Variants in RIF1 observed in about 807,000 individuals in gnomAD.
RIF1 encodes replication timing regulatory factor 1.
A neutral mutation model predicts 247.1 loss-of-function variants in RIF1; 45 were observed. The ratio of observed to expected loss-of-function variants is 0.18; its 90% confidence interval spans 0.14 to 0.23. The LOEUF is 0.23. Among genes scored for constraint, RIF1 ranks in the 10% least tolerant of loss-of-function variants. RIF1 has a pLI of 1.00. For missense variants in RIF1, 2,967 were observed against 2,862.5 expected, an observed-to-expected ratio of 1.04 and a Z score of -0.83; for synonymous variants, 1,087 against 978.8, an observed-to-expected ratio of 1.11 and a Z score of -2.06.
chr2:151,430,930 A>C (rs958519751), intron 9 of RIF1, among the ~76,000 whole-genome samples: 2 of 152,194 alleles, frequency 1.3e-5, no homozygotes, highest in Non-Finnish European at 2.9e-5. Flanking sequence ...TTAGGATTAC[A>C]GGTGTGAGCC....
intron 22 of RIF1, among the ~76,000 whole-genome samples, chr2:151,455,862 A>G (rs1042622416): frequency 7.2e-5 from 11 of 152,168 alleles, no homozygotes; most frequent in Admixed American, 3.3e-4. Flanking sequence ...AAATGTCTAC[A>G]TGTGATTCTG....
chr2:151,459,920 A>G lies in RIF1; in HGVS notation c.2956-80A>G, dbSNP rs1695865792. 2.1e-5 allele frequency: 24 copies of G among 1,148,392 alleles called. No individual in the cohort carries two copies. The South Asian group carries it at 3.5e-4, about 17-fold the overall frequency. 71.1% of individuals were successfully genotyped at this position (1,148,392 alleles called of 1,614,324 possible). A position where few individuals can be genotyped will look rare whatever the true frequency, so the allele number is the denominator to read the frequency against. ...ACAATATTTGCAATTACTATTTATT[A>G]GGAATTTTCAAAACGTGAAAAGGAA... is the stretch of plus-strand genomic sequence containing the variant. On this transcript the variant is annotated intron_variant, in intron 25 of 35. Transcript: ENST00000444746.
Position 151,410,448 on chromosome 2 carries a change from C to A in RIF1, c.25C>A (p.Leu9Ile), listed in dbSNP as rs572659964. The change falls in exon 2 of 36, where the codon CTC becomes ATC. Residue 9 changes from leucine to isoleucine, a missense_variant. Coordinates refer to ENST00000444746, the MANE Select transcript of RIF1 (RefSeq NM_018151.5). MTARGQSPLAPLLETLEDP... is the reference protein window; with the variant it reads MTARGQSPIAPLLETLEDP... ...CATGACGGCCAGGGGTCAGAGCCCC[C>A]TCGCGCCGCTGTTGGAGACTTTGGA... is the stretch of plus-strand genomic sequence containing the variant. 1 of 1,614,016 alleles carries A rather than the reference C, an allele frequency of 6.2e-7. No individual in the cohort carries two copies. Among genetic ancestry groups the A allele is most frequent in the East Asian group, 2.2e-5 (1 of 44,852 alleles).
At chr2:151,461,609 G>T (rs1232656879) in intron 27 of RIF1, among the ~76,000 whole-genome samples, 2 of 151,892 alleles carry the variant, frequency 1.3e-5, no homozygotes, top group Admixed American at 1.3e-4. Context: ...AGCCAGGATG[G>T]TCTTGATCTC....
At chr2:151,467,101 C>A (rs1283927683) in intron 30 of RIF1, among the ~76,000 whole-genome samples, 1 of 151,940 alleles carries the variant, frequency 6.6e-6, no homozygotes, top group Non-Finnish European at 1.5e-5. Context: ...TGGTGGCGCA[C>A]ACCTGTAGTT....
At chr2:151,473,859 T>C in intron 34 of RIF1, 105 bp from the exon 35 acceptor site, 1 of 697,262 alleles carries the variant, frequency 1.4e-6, no homozygotes, top group Non-Finnish European at 2.6e-6. Context: ...ACATAGGTTC[T>C]ATGCAATGTT....
the RIF1 span, chr2:151,519,753 T>C: frequency 1.2e-6 from 2 of 1,609,152 alleles, no homozygotes; most frequent in Non-Finnish European, 1.7e-6. Flanking sequence ...TTATCGAAAT[T>C]TTCTCGGTAT....
At chr2:151,410,275 C>A in intron 1 of RIF1, 139 bp from the exon 2 acceptor site, 2 of 674,306 alleles carry the variant, frequency 3.0e-6, no homozygotes, top group South Asian at 1.7e-5. Context: ...TTTGGTGATT[C>A]GGAGGCCTGG....
At chr2:151,485,583 G>A, downstream of RIF1, 1 of 495,886 alleles carries the variant, frequency 2.0e-6, no homozygotes, top group Non-Finnish European at 3.5e-6. Flanking sequence ...CTTTTAAAGT[G>A]TCTGTTCTGC....
At chr2:151,507,124 T>G in intron 13 of RIF1, 1 of 683,770 alleles carries the variant, frequency 1.5e-6, no homozygotes, top group Non-Finnish European at 2.5e-6. Flanking sequence ...AAAAAAAGTC[T>G]ATGCACAATA....
intron 21 of RIF1, among the ~76,000 whole-genome samples, chr2:151,454,139 A>T: frequency 6.6e-6 from 1 of 152,210 alleles, no homozygotes; most frequent in East Asian, 1.9e-4. Flanking sequence ...CTTGTTTTTC[A>T]TGTTACCATA....
rs186676110 is a variant in RIF1 at position 151,498,228 on chromosome 2, G to A, written c.*514-1117G>A. The A allele has an allele frequency of 1.4e-4, 211 of 1,550,242 alleles. 1 individual carries two copies. Among genetic ancestry groups the A allele is most frequent in the Non-Finnish European group, 1.9e-5 (22 of 1,145,794 alleles). On this transcript the variant is annotated intron_variant and NMD_transcript_variant, in intron 10 of 13. Coordinates refer to the RIF1 transcript ENST00000454583. ...AAGATCAGTTTAATTCTGAAGTTAA[G>A]TGGCATTTTTTCCCCTTTCTTTCCA...
chr2:151,424,744 C>T (rs1688712551), intron 8 of RIF1, among the ~76,000 whole-genome samples: 1 of 150,948 alleles, frequency 6.6e-6, no homozygotes, highest in Non-Finnish European at 1.5e-5. Context: ...ACCTCGCTCA[C>T]TGCAACCTCT....
downstream of RIF1, among the ~76,000 whole-genome samples, chr2:151,483,543 A>G (rs1366952344): frequency 6.6e-6 from 1 of 152,142 alleles, no homozygotes; most frequent in Non-Finnish European, 1.5e-5. Context: ...CTACTTTTAT[A>G]TATACAGTCA....
chr2:151,438,757 T>C lies in RIF1; in HGVS notation c.1546+11T>C. ...CAGTTACTGAATCAGGTAAGCACTA[T>C]TACACTGATCAAATGTTGTTTTTTG... On this transcript the variant is annotated intron_variant, in intron 14 of 35. Coordinates refer to ENST00000444746, the MANE Select transcript of RIF1 (RefSeq NM_018151.5). 1 of 1,576,396 alleles carries C rather than the reference T, an allele frequency of 6.3e-7. No homozygotes were observed.
chr2:151,512,049 G>A (rs1318190224), downstream of RIF1, among the ~76,000 whole-genome samples: 1 of 33,194 alleles, frequency 3.0e-5, no homozygotes, highest in Admixed American at 2.6e-4. Flanking sequence ...TTTTTTTTTT[G>A]AGACAGAGTC....
At chr2:151,495,392 G>A (rs959439559) in intron 10 of RIF1, 1 of 152,204 alleles carries the variant, frequency 6.6e-6, no homozygotes, top group South Asian at 2.1e-4. Context: ...CCTACAGAAT[G>A]AGAAACTAGA....
intron 4 of RIF1, among the ~76,000 whole-genome samples, chr2:151,415,430 G>A (rs2152105688): frequency 6.7e-6 from 1 of 150,126 alleles, no homozygotes; most frequent in African/African-American, 2.4e-5. Context: ...AAAAATAATG[G>A]TATTTGACAA....
chr2:151,524,623 T>G, the RIF1 span: 7 of 1,556,110 alleles, frequency 4.5e-6, 1 homozygote, highest in Non-Finnish European at 6.2e-6. Context: ...CGACCTTTAT[T>G]GGGGAAGAAA....
Sources: allele counts gnomAD v4.1 joint callset (sites outside exome capture counted in the v4.1 genomes callset), GRCh38; gene constraint gnomAD v4.1.1; transcripts MANE v1.5; gene names NCBI Gene and HGNC (gene_info 2026-07-23, HGNC 2026-07-21).